The following MALRD1 variants were observed in gnomAD, a reference collection of about 807,000 sequenced individuals.
The protein encoded by MALRD1 is MAM and LDL receptor class A domain containing 1.
A neutral mutation model predicts 242.1 loss-of-function variants in MALRD1; 247 were observed. The observed-to-expected ratio is 1.02, with a 90% CI of 0.92 to 1.13. MALRD1 has a LOEUF of 1.13. Ranked by LOEUF, MALRD1 falls within the 50% of genes most tolerant of loss-of-function variation. The pLI is 0.00. For missense variants in MALRD1, 2,989 were observed against 2,533.1 expected (o/e 1.18, Z -3.86); for synonymous variants, 995 against 866.6 (o/e 1.15, Z -2.60).
intron 36 of MALRD1, among the ~76,000 whole-genome samples, chr10:19,637,364 A>G (rs1840184516): frequency 6.6e-6 from 1 of 152,202 alleles, no homozygotes; most frequent in African/African-American, 2.4e-5. Context: ...GGTATCAACA[A>G]TGATTAAGGA....
At chr10:19,289,522 T>C (rs1841302005) in intron 21 of MALRD1, among the ~76,000 whole-genome samples, 1 of 152,200 alleles carries the variant, frequency 6.6e-6, no homozygotes, top group African/African-American at 2.4e-5. Flanking sequence ...ACATATGTGC[T>C]CTACATGACA....
intron 36 of MALRD1, among the ~76,000 whole-genome samples, chr10:19,672,065 A>G (rs541335699): frequency 4.9e-4 from 75 of 151,678 alleles, no homozygotes; most frequent in African/African-American, 1.7e-3. Flanking sequence ...TTCCTAGGAG[A>G]CTCATTTTTC....
chr10:19,260,914 G>A lies in MALRD1; in HGVS notation c.3079+3143G>A, dbSNP rs865836872. ...TGAAAGGAAGAGGCTACAATCTCCA[G>A]TTTACAGATATGAAAAATTAAAGAT... is the stretch of plus-strand genomic sequence containing the variant. On this transcript the variant is annotated intron_variant, in intron 19 of 39. Coordinates refer to ENST00000454679, the MANE Select transcript of MALRD1 (RefSeq NM_001142308.3). 3.9e-5 allele frequency among the ~76,000 whole-genome samples: 6 copies of A among 152,120 alleles called. No homozygotes were observed. The South Asian group carries it at 1.0e-3, about 26-fold the overall frequency.
rs187487722 is a variant in MALRD1 at position 19,190,878 on chromosome 10, C to A, written c.1952-12850C>A. ...TTAGAAGAAAATATAGGACAGAAAC[C>A]TTATGATGCTGTGTCTGTCAATGAT... On this transcript the variant is annotated intron_variant, in intron 14 of 39. Coordinates refer to ENST00000454679, the MANE Select transcript of MALRD1 (RefSeq NM_001142308.3). Among the ~76,000 whole-genome samples, 211 of 152,076 alleles carry A rather than the reference C, an allele frequency of 1.4e-3. 1 individual carries two copies. Among genetic ancestry groups the A allele is most frequent in the Non-Finnish European group, 2.2e-3 (152 of 67,970 alleles).
chr10:19,104,079 A>G lies in MALRD1; in HGVS notation c.694+4A>G, dbSNP rs1836378477. On this transcript the variant is annotated splice_donor_region_variant and intron_variant, in intron 5 of 39. Transcript: ENST00000454679. ...TCAGGCTGCTTGCCTGCCAATGGTA[A>G]GAACTTTTTCTCTCATTTTGATCTT... 8.1e-7 allele frequency: 1 copy of G among 1,228,486 alleles called. No homozygotes were observed. Among genetic ancestry groups the G allele is most frequent in the Non-Finnish European group, 1.0e-6 (1 of 983,298 alleles). 76.1% of individuals were successfully genotyped at this position (1,228,486 alleles called of 1,614,324 possible).
chr10:19,134,414 G>T (rs867047739), intron 9 of MALRD1, among the ~76,000 whole-genome samples: 1 of 152,292 alleles, frequency 6.6e-6, no homozygotes, highest in South Asian at 2.1e-4. Context: ...AAATTAAATT[G>T]ATATTTTGTG....
intron 21 of MALRD1, among the ~76,000 whole-genome samples, chr10:19,310,254 A>G (rs993737703): frequency 6.6e-6 from 1 of 151,472 alleles, no homozygotes; most frequent in African/African-American, 2.4e-5. Flanking sequence ...GGTAACAGAG[A>G]CTGATTTAAG....
intron 32 of MALRD1, among the ~76,000 whole-genome samples, chr10:19,559,145 T>G (rs7923889): frequency 0.078 from 11,913 of 151,918 alleles, 617 homozygotes; most frequent in African/African-American, 0.13. Flanking sequence ...ATAGTACCAC[T>G]GCACTCCAGC....
At chr10:19,694,919 G>GC (rs1268080906) in intron 38 of MALRD1, among the ~76,000 whole-genome samples, 1 of 152,186 alleles carries the variant, frequency 6.6e-6, no homozygotes, top group Non-Finnish European at 1.5e-5. Flanking sequence ...CATGTCCTTT[G>GC]CAGGGACATG....
In MALRD1 at chr10:19,725,758, T is replaced by C. The variant is rs184042909; in HGVS notation, c.6315-4948T>C. The stretch of plus-strand genomic sequence containing the variant: ...AGAACAGACATATAGATCAATTGAA[T>C]TGAACTGAATTGAAAATTCAAATAT... On this transcript the variant is annotated intron_variant, in intron 38 of 39. Coordinates refer to ENST00000454679, the MANE Select transcript of MALRD1 (RefSeq NM_001142308.3). 3.3e-5 allele frequency among the ~76,000 whole-genome samples: 5 copies of C among 152,290 alleles called. No homozygotes were observed. In the East Asian group the frequency reaches 7.7e-4, roughly 24 times the overall value.
At chr10:19,617,071 G>T (rs1375458154) in intron 36 of MALRD1, among the ~76,000 whole-genome samples, 1 of 151,964 alleles carries the variant, frequency 6.6e-6, no homozygotes, top group African/African-American at 2.4e-5. Flanking sequence ...CAGCTGAGTA[G>T]ATAATATTAT....
At chr10:19,657,653 T>C (rs938989690) in intron 36 of MALRD1, among the ~76,000 whole-genome samples, 9 of 152,148 alleles carry the variant, frequency 5.9e-5, no homozygotes, top group Admixed American at 2.6e-4. Flanking sequence ...TCATGGAGAA[T>C]TGGGTATCCA....
intron 32 of MALRD1, among the ~76,000 whole-genome samples, chr10:19,563,281 A>G (rs1010864793): frequency 7.2e-5 from 11 of 152,188 alleles, no homozygotes; most frequent in African/African-American, 2.4e-4. Flanking sequence ...TCCATCCTGT[A>G]TCAACTTACC....
rs922552039 is a variant in MALRD1 at position 19,700,025 on chromosome 10, C to T, written c.6314+7471C>T. On this transcript the variant is annotated intron_variant, in intron 38 of 39. Transcript: ENST00000454679. ...GTCCCAAGTGAAATTGATTTAGACA[C>T]ACACACACACACACACACACACACA... 2.0e-3 allele frequency among the ~76,000 whole-genome samples: 257 copies of T among 128,182 alleles called. 1 individual carries two copies. The highest frequency in any genetic ancestry group is 8.1e-3 in the African/African-American group (247 of 30,394). The allele number at this position is 128,182 out of a possible 152,430, so 84.1% of individuals were successfully genotyped here. A position where few individuals can be genotyped will look rare whatever the true frequency, so the allele number is the denominator to read the frequency against.
chr10:19,705,376 C>T (rs1833815152), intron 38 of MALRD1, among the ~76,000 whole-genome samples: 1 of 152,196 alleles, frequency 6.6e-6, no homozygotes, highest in African/African-American at 2.4e-5. Context: ...ACTGGAATTT[C>T]ACTAGCACAG....
intron 26 of MALRD1, among the ~76,000 whole-genome samples, chr10:19,357,453 C>T (rs1844688282): frequency 6.6e-6 from 1 of 151,972 alleles, no homozygotes; most frequent in Non-Finnish European, 1.5e-5. Context: ...AAACATTTGA[C>T]AGTAAACCTT....
At chr10:19,088,348 A>G (rs1000903199) in intron 4 of MALRD1, among the ~76,000 whole-genome samples, 163 bp downstream of exon 4, 4 of 152,068 alleles carry the variant, frequency 2.6e-5, no homozygotes, top group African/African-American at 7.2e-5. Context: ...GCAATTTGGG[A>G]TGGCTAGTCA....
chr10:19,554,509 C>T (rs1478341267), intron 32 of MALRD1, among the ~76,000 whole-genome samples: 1 of 152,076 alleles, frequency 6.6e-6, no homozygotes, highest in African/African-American at 2.4e-5. Flanking sequence ...TCAAGCCCAG[C>T]ATGCATTAGC....
intron 2 of MALRD1, among the ~76,000 whole-genome samples, chr10:19,073,677 A>G (rs773501608): frequency 1.3e-5 from 2 of 152,146 alleles, no homozygotes; most frequent in African/African-American, 2.4e-5. Context: ...GCATGTGCAA[A>G]TATTTCAAAA....
Sources: gnomAD v4.1 joint callset for allele counts (sites outside exome capture counted in the v4.1 genomes callset) on GRCh38, gnomAD v4.1.1 for gene constraint, MANE v1.5 for transcripts, NCBI Gene and HGNC (gene_info 2026-07-23, HGNC 2026-07-21) for gene names.